RBFOX1: variants seen among roughly 807,000 people sequenced by gnomAD.
RBFOX1 encodes the protein RNA binding fox-1 homolog 1.
In RBFOX1, 8 loss-of-function variants were observed where a neutral mutation model predicts 57.7. The observed-to-expected ratio is 0.14, with a 90% CI of 0.08 to 0.25. RBFOX1 has a LOEUF of 0.25. RBFOX1 is among the 10% of genes least tolerant of loss of function. RBFOX1 has a pLI of 1.00. For missense variants in RBFOX1, 611 were observed against 548.5 expected (o/e 1.11, Z -1.14); for synonymous variants, 326 against 222.4 (o/e 1.47, Z -4.15).
chr16:7,262,643 T>C (rs2094962500), intron 4 of RBFOX1, among the ~76,000 whole-genome samples: 1 of 152,258 alleles, frequency 6.6e-6, no homozygotes, highest in Non-Finnish European at 1.5e-5. Flanking sequence ...TTGATAGCTG[T>C]CTCAAATACA....
At chr16:6,763,354 A>G (rs552270729) in intron 3 of RBFOX1, among the ~76,000 whole-genome samples, 1 of 152,270 alleles carries the variant, frequency 6.6e-6, no homozygotes, top group Admixed American at 6.5e-5. Context: ...ATCACCAGTG[A>G]TTACTTTCCT....
intron 1 of RBFOX1, among the ~76,000 whole-genome samples, chr16:6,258,678 T>C (rs1026256382): frequency 6.6e-6 from 1 of 152,204 alleles, no homozygotes; most frequent in Non-Finnish European, 1.5e-5. Flanking sequence ...AGCAGGATAA[T>C]TGTTTAAATG....
At chr16:6,757,347 G>A (rs1292112326) in intron 3 of RBFOX1, among the ~76,000 whole-genome samples, 4 of 152,100 alleles carry the variant, frequency 2.6e-5, no homozygotes, top group African/African-American at 9.7e-5. Flanking sequence ...CTGCACACCC[G>A]TGTTTACTGC....
intron 2 of RBFOX1, among the ~76,000 whole-genome samples, chr16:5,548,168 AAAAAAAATATAT>A (rs370718518): frequency 0.29 from 16,540 of 56,430 alleles, 1,693 homozygotes; most frequent in East Asian, 0.54. Context: ...TAAAAAAAAA[AAAAAAAATATAT>A]ATATATATAT....
At chr16:6,692,016 A>G (rs2060275817) in intron 3 of RBFOX1, among the ~76,000 whole-genome samples, 1 of 152,230 alleles carries the variant, frequency 6.6e-6, no homozygotes, top group Admixed American at 6.5e-5. Flanking sequence ...GAGGAAACAC[A>G]GCCCTGCCTG....
chr16:7,256,864 C>T (rs1411640638), intron 4 of RBFOX1, among the ~76,000 whole-genome samples: 1 of 152,122 alleles, frequency 6.6e-6, no homozygotes, highest in Non-Finnish European at 1.5e-5. Flanking sequence ...ACTTCCCTAT[C>T]CCCACTAGGG....
At chr16:5,273,317 C>G (rs968574469) in intron 1 of RBFOX1, among the ~76,000 whole-genome samples, 1 of 151,902 alleles carries the variant, frequency 6.6e-6, no homozygotes, top group Non-Finnish European at 1.5e-5. Flanking sequence ...TATACAGACA[C>G]TAATAGCACC....
intron 2 of RBFOX1, among the ~76,000 whole-genome samples, chr16:6,328,875 T>G (rs908609723): frequency 2.6e-5 from 4 of 152,016 alleles, no homozygotes; most frequent in African/African-American, 9.7e-5. Flanking sequence ...AAAGAAAACC[T>G]TGTGCTCTGA....
intron 3 of RBFOX1, among the ~76,000 whole-genome samples, chr16:6,934,953 T>G: frequency 6.6e-6 from 1 of 152,070 alleles, no homozygotes; most frequent in South Asian, 2.1e-4. Context: ...CTTGGCCTGG[T>G]GGCATTTGCC....
intron 1 of RBFOX1, among the ~76,000 whole-genome samples, chr16:5,443,626 C>T (rs2151545490): frequency 6.6e-6 from 1 of 152,300 alleles, no homozygotes; most frequent in Non-Finnish European, 1.5e-5. Flanking sequence ...AGGCTTGAGC[C>T]ACCACACCTG....
intron 14 of RBFOX1, among the ~76,000 whole-genome samples, chr16:7,688,020 A>G (rs1168350225): frequency 2.0e-5 from 3 of 152,062 alleles, no homozygotes; most frequent in Non-Finnish European, 4.4e-5. Flanking sequence ...CTAGCTGAAT[A>G]TTTATTAAAA....
intron 4 of RBFOX1, among the ~76,000 whole-genome samples, chr16:7,293,934 C>A (rs1603537191): frequency 6.6e-6 from 1 of 152,242 alleles, no homozygotes; most frequent in Non-Finnish European, 1.5e-5. Flanking sequence ...TAATTCAGAG[C>A]TGGAGATGTT....
At chr16:7,329,966 A>G (rs919706538) in intron 4 of RBFOX1, among the ~76,000 whole-genome samples, 2 of 152,196 alleles carry the variant, frequency 1.3e-5, no homozygotes, top group African/African-American at 4.8e-5. Flanking sequence ...GGCACTGGGT[A>G]TGTTCTGAGA....
At chr16:7,234,681 A>G (rs2093680174) in intron 4 of RBFOX1, among the ~76,000 whole-genome samples, 1 of 76,654 alleles carries the variant, frequency 1.3e-5, no homozygotes, top group South Asian at 6.1e-4. Flanking sequence ...CATATTTTAT[A>G]TATATATGTA....
At chr16:7,517,233 C>A (rs1160584936) in intron 4 of RBFOX1, among the ~76,000 whole-genome samples, 1 of 146,916 alleles carries the variant, frequency 6.8e-6, no homozygotes, top group East Asian at 2.0e-4. Context: ...AGAGCTGTTT[C>A]CTGAAATGGA....
chr16:5,594,675 A>G (rs2047122237), intron 2 of RBFOX1, among the ~76,000 whole-genome samples: 1 of 152,164 alleles, frequency 6.6e-6, no homozygotes, highest in African/African-American at 2.4e-5. Context: ...AGACAGTCAG[A>G]TAGATAGGCA....
intron 2 of RBFOX1, among the ~76,000 whole-genome samples, chr16:6,603,812 G>C (rs12933659): frequency 0.07 from 10,651 of 152,172 alleles, 523 homozygotes; most frequent in Non-Finnish European, 0.098. Context: ...TCGTCCTGCT[G>C]TTTGGGTACT....
intron 1 of RBFOX1, among the ~76,000 whole-genome samples, chr16:6,142,278 A>G (rs143318424): frequency 0.034 from 4,987 of 144,884 alleles, 316 homozygotes; most frequent in African/African-American, 0.12. Context: ...CTGGAGTGAA[A>G]TGGCGTGATC....
intron 3 of RBFOX1, among the ~76,000 whole-genome samples, chr16:6,739,138 T>C (rs1440818007): frequency 6.6e-6 from 1 of 150,888 alleles, no homozygotes; most frequent in Non-Finnish European, 1.5e-5. Flanking sequence ...ATAATAAAAA[T>C]TGGAGCAAAA....
Sources: gnomAD v4.1 joint callset for allele counts (sites outside exome capture counted in the v4.1 genomes callset) on GRCh38, gnomAD v4.1.1 for gene constraint, MANE v1.5 for transcripts, NCBI Gene and HGNC (gene_info 2026-07-23, HGNC 2026-07-21) for gene names.